The following KHDC1 variants were observed in gnomAD, a reference collection of about 807,000 sequenced individuals.
KHDC1 encodes KH domain containing 1, also known as KH homology domain-containing protein 1.
A neutral mutation model predicts 24.7 loss-of-function variants in KHDC1; 21 were observed. That is an observed-to-expected ratio of 0.85 (90% CI 0.60 to 1.23). The LOEUF (loss-of-function observed/expected upper bound fraction) is 1.23, where lower values mean the gene tolerates loss of function less well. Among genes scored for constraint, KHDC1 ranks in the 50% most tolerant of loss-of-function variants. KHDC1 has a pLI of 0.00. For synonymous variants in KHDC1, 98 were observed against 111.7 expected (o/e 0.88, Z 0.77); for missense variants, 274 against 298.5 (o/e 0.92, Z 0.61).
At chr6:73,258,031 G>A (rs544610318) in intron 2 of KHDC1, among the ~76,000 whole-genome samples, 14 of 152,282 alleles carry the variant, frequency 9.2e-5, no homozygotes, top group African/African-American at 2.6e-4. Context: ...CAAGGTGGGC[G>A]GATCACTTGA....
intron 2 of KHDC1, among the ~76,000 whole-genome samples, chr6:73,291,506 C>T (rs1485362188): frequency 6.6e-6 from 1 of 151,572 alleles, no homozygotes; most frequent in Non-Finnish European, 1.5e-5. Flanking sequence ...TTTAATTCTT[C>T]GTAGAGATAG....
intron 2 of KHDC1, among the ~76,000 whole-genome samples, chr6:73,248,515 A>G (rs1424839602): frequency 6.6e-6 from 1 of 152,204 alleles, no homozygotes; most frequent in Non-Finnish European, 1.5e-5. Context: ...CTTAGGGTGA[A>G]GTAAACAGAA....
chr6:73,252,810 C>CCG (rs1766805290), intron 2 of KHDC1, among the ~76,000 whole-genome samples: 1 of 148,268 alleles, frequency 6.7e-6, no homozygotes, highest in African/African-American at 2.6e-5. Flanking sequence ...GAGTGAGACT[C>CCG]TACCTCAAAA....
At position 73,257,326 on chromosome 6, in the gene KHDC1, C is replaced by T. The variant is rs1766896758; in HGVS notation, c.207-14796G>A. On this transcript the variant is annotated intron_variant, in intron 2 of 4. Transcript: ENST00000370384. Reference sequence around the variant, plus strand: ...AAAACAAAAAGCAAGGCATGGCCTTCCTTAGGAATTTGGTTTGGGGATTCT... The same window carrying T: ...AAAACAAAAAGCAAGGCATGGCCTTTCTTAGGAATTTGGTTTGGGGATTCT... Among the ~76,000 whole-genome samples the T allele has an allele frequency of 2.6e-5, 4 of 152,160 alleles. No individual in the cohort carries two copies. In the South Asian group the frequency reaches 8.3e-4, roughly 32 times the overall value.
intron 1 of KHDC1, among the ~76,000 whole-genome samples, chr6:73,304,218 A>T (rs943569971): frequency 1.3e-5 from 2 of 152,184 alleles, no homozygotes; most frequent in Admixed American, 6.6e-5. Flanking sequence ...GTTAGGTAAG[A>T]TGCTAACATA....
chr6:73,273,229 G>A (rs191341816), intron 2 of KHDC1, among the ~76,000 whole-genome samples: 14 of 150,974 alleles, frequency 9.3e-5, no homozygotes, highest in Non-Finnish European at 1.9e-4. Flanking sequence ...GTGCAATGGC[G>A]TGATCTCGGC....
In KHDC1 at chr6:73,242,669, G is replaced by C. The variant is rs182467359; in HGVS notation, c.207-139C>G. ...TACCTTAGGGTGGGTGTACAATCCC[G>C]GTATCTCTTCCCAAGATAATTCATT... On this transcript the variant is annotated intron_variant, in intron 2 of 4. Coordinates refer to ENST00000370384, the Ensembl canonical transcript of KHDC1. 5 of 923,008 alleles carry C rather than the reference G, an allele frequency of 5.4e-6. No homozygotes were observed. The East Asian group carries it at 1.3e-4, about 25-fold the overall frequency. The allele number at this position is 923,008 out of a possible 1,614,324, so 57.2% of individuals were successfully genotyped here.
chr6:73,265,056 AG>A (rs1388409632), intron 2 of KHDC1, among the ~76,000 whole-genome samples: 3 of 152,062 alleles, frequency 2.0e-5, no homozygotes, highest in Non-Finnish European at 2.9e-5. Context: ...GGTTGGATGC[AG>A]GGTGTAGTTT....
intron 2 of KHDC1, among the ~76,000 whole-genome samples, chr6:73,288,285 GAAGT>G (rs1374731712): frequency 2.6e-5 from 4 of 152,206 alleles, no homozygotes; most frequent in Non-Finnish European, 5.9e-5. Flanking sequence ...CTGATCTGGA[GAAGT>G]AAGTATTCTC....
At chr6:73,288,101 A>G (rs1767556150) in intron 2 of KHDC1, among the ~76,000 whole-genome samples, 1 of 152,238 alleles carries the variant, frequency 6.6e-6, no homozygotes, top group Non-Finnish European at 1.5e-5. Context: ...TCATCATCAT[A>G]TCTCCATTTA....
At chr6:73,303,080 A>C (rs1450904289) in intron 1 of KHDC1, among the ~76,000 whole-genome samples, 1 of 152,212 alleles carries the variant, frequency 6.6e-6, no homozygotes, top group Non-Finnish European at 1.5e-5. Context: ...CTGCCCCAAA[A>C]ATAAAAATAA....
chr6:73,257,867 G>C (rs1453997564), intron 2 of KHDC1, among the ~76,000 whole-genome samples: 3 of 152,088 alleles, frequency 2.0e-5, no homozygotes, highest in Non-Finnish European at 4.4e-5. Flanking sequence ...CAGCATGCTG[G>C]GAGGCCAAGA....
At chr6:73,287,779 A>G (rs1413658170) in intron 2 of KHDC1, among the ~76,000 whole-genome samples, 1 of 152,180 alleles carries the variant, frequency 6.6e-6, no homozygotes, top group Non-Finnish European at 1.5e-5. Context: ...TAGAGGGAGG[A>G]CATATGGGGT....
chr6:73,296,288 C>T (rs1319821224), intron 1 of KHDC1, among the ~76,000 whole-genome samples: 3 of 151,472 alleles, frequency 2.0e-5, no homozygotes, highest in African/African-American at 7.3e-5. Flanking sequence ...TACCCTGTCT[C>T]CTCTAAAAAT....
At chr6:73,309,839 C>T in exon 1 of KHDC1, 1 of 1,189,306 alleles carries the variant, frequency 8.4e-7, no homozygotes, top group Non-Finnish European at 1.2e-6. Flanking sequence ...GTTCAGGACG[C>T]GAAGGAAAGG....
intron 2 of KHDC1, among the ~76,000 whole-genome samples, chr6:73,260,076 A>G (rs547411228): frequency 6.6e-6 from 1 of 152,302 alleles, no homozygotes; most frequent in East Asian, 1.9e-4. Context: ...TTGATGGTCT[A>G]TATCAGCATA....
chr6:73,241,567 C>A, exon 5 of KHDC1: 1 of 1,614,128 alleles, frequency 6.2e-7, no homozygotes, highest in Non-Finnish European at 8.5e-7. Flanking sequence ...CCCGAACAAC[C>A]AATCACTTGG....
At chr6:73,301,488 G>T (rs895981718) in intron 1 of KHDC1, 3 of 152,184 alleles carry the variant, frequency 2.0e-5, no homozygotes, top group African/African-American at 4.8e-5. Context: ...ACGGAATTGT[G>T]TATGCAGTAT....
chr6:73,261,704 G>A (rs1478951249), intron 2 of KHDC1, among the ~76,000 whole-genome samples: 1 of 151,822 alleles, frequency 6.6e-6, no homozygotes, highest in Non-Finnish European at 1.5e-5. Context: ...ATGAGGTCAG[G>A]AGTTTGAAAC....
Sources: gnomAD v4.1 joint callset for allele counts (sites outside exome capture counted in the v4.1 genomes callset) on GRCh38, gnomAD v4.1.1 for gene constraint, MANE v1.5 for transcripts, NCBI Gene and HGNC (gene_info 2026-07-23, HGNC 2026-07-21) for gene names.